Variants in IKBKB-DT observed in about 807,000 individuals in gnomAD.
The protein encoded by IKBKB-DT is IKBKB divergent transcript, also known as IKBKB antisense RNA.
chr8:42,247,730 C>T (rs183193118), intron 3 of IKBKB-DT, among the ~76,000 whole-genome samples: 123 of 152,228 alleles, frequency 8.1e-4, no homozygotes, highest in African/African-American at 2.8e-3. Flanking sequence ...AGGGAGTTCT[C>T]GTGAGATCTG....
At chr8:42,238,187 C>A (rs986161414) in intron 3 of IKBKB-DT, among the ~76,000 whole-genome samples, 11 of 152,134 alleles carry the variant, frequency 7.2e-5, no homozygotes, top group Non-Finnish European at 1.5e-4. Context: ...ATTGTCCCTG[C>A]CTAGCAGTAA....
Position 42,239,622 on chromosome 8 carries a change from ATATATATATATATT to A in IKBKB-DT, n.1530-5777_1530-5764del, listed in dbSNP as rs1481396763. ...TTTTTGTAAAAGGCAATTTATATAT[ATATATATATATATT>A]TATTTATTTATTCATTTTTTTTTTT... On this transcript the variant is annotated intron_variant and non_coding_transcript_variant, in intron 3 of 3. Coordinates refer to ENST00000518213, the Ensembl canonical transcript of IKBKB-DT. 3.5e-5 allele frequency among the ~76,000 whole-genome samples: 3 copies of A among 85,052 alleles called. 1 individual carries two copies. In the Admixed American group the frequency reaches 4.1e-4, roughly 12 times the overall value. 55.8% of individuals were successfully genotyped at this position (85,052 alleles called of 152,430 possible). A position where few individuals can be genotyped will look rare whatever the true frequency, so the allele number is the denominator to read the frequency against.
intron 3 of IKBKB-DT, among the ~76,000 whole-genome samples, chr8:42,234,870 T>C (rs1806898254): frequency 6.6e-6 from 1 of 152,232 alleles, no homozygotes; most frequent in Non-Finnish European, 1.5e-5. Flanking sequence ...CCTCAGGTGA[T>C]CTGCCCGCCT....
At chr8:42,262,472 C>T (rs1023161788) in intron 3 of IKBKB-DT, among the ~76,000 whole-genome samples, 2 of 137,208 alleles carry the variant, frequency 1.5e-5, no homozygotes, top group Non-Finnish European at 3.0e-5. Context: ...CAGAGTCTCA[C>T]TCTGTGGCCC....
chr8:42,267,570 C>G (rs1249498940), intron 1 of IKBKB-DT, among the ~76,000 whole-genome samples: 1 of 152,144 alleles, frequency 6.6e-6, no homozygotes, highest in Admixed American at 6.6e-5. Flanking sequence ...CTTGGATCCC[C>G]TGGGTCAGTA....
chr8:42,252,655 C>A (rs1028018017), intron 3 of IKBKB-DT, among the ~76,000 whole-genome samples: 2 of 152,262 alleles, frequency 1.3e-5, no homozygotes, highest in Non-Finnish European at 2.9e-5. Context: ...GCGTGAGCCA[C>A]TGCACCCAGC....
At chr8:42,235,657 C>T (rs1714689503) in intron 3 of IKBKB-DT, among the ~76,000 whole-genome samples, 1 of 152,190 alleles carries the variant, frequency 6.6e-6, no homozygotes, top group Admixed American at 6.6e-5. Context: ...CTTTACCGGC[C>T]TGCCCACGAA....
At chr8:42,239,335 C>G (rs540368170) in intron 3 of IKBKB-DT, among the ~76,000 whole-genome samples, 2 of 151,938 alleles carry the variant, frequency 1.3e-5, no homozygotes, top group East Asian at 3.9e-4. Flanking sequence ...CCTTCTCGCT[C>G]CCTTTAGCCG....
intron 1 of IKBKB-DT, chr8:42,270,484 T>C (rs1310994009): frequency 1.3e-5 from 2 of 152,372 alleles, no homozygotes; most frequent in Non-Finnish European, 2.9e-5. Flanking sequence ...TATTTTCCAA[T>C]TTACAGGGTT....
intron 2 of IKBKB-DT, among the ~76,000 whole-genome samples, chr8:42,263,746 G>A (rs2129933612): frequency 6.6e-6 from 1 of 152,304 alleles, no homozygotes; most frequent in Non-Finnish European, 1.5e-5. Context: ...AGAGTTTCTG[G>A]TGCATTAGAG....
At chr8:42,254,970 C>T (rs547778093) in intron 3 of IKBKB-DT, among the ~76,000 whole-genome samples, 1 of 152,074 alleles carries the variant, frequency 6.6e-6, no homozygotes, top group South Asian at 2.1e-4. Flanking sequence ...CAGCTGCCCA[C>T]TGTCTGGCAA....
At chr8:42,245,973 A>G (rs1292098883) in intron 3 of IKBKB-DT, among the ~76,000 whole-genome samples, 11 of 152,220 alleles carry the variant, frequency 7.2e-5, no homozygotes, top group Admixed American at 7.2e-4. Context: ...ACATCAATCC[A>G]ATGGAATATG....
At chr8:42,250,078 T>C (rs1248166814) in intron 3 of IKBKB-DT, among the ~76,000 whole-genome samples, 1 of 152,186 alleles carries the variant, frequency 6.6e-6, no homozygotes, top group Non-Finnish European at 1.5e-5. Flanking sequence ...GGTTTTTGTT[T>C]GTTTGTTTGT....
intron 3 of IKBKB-DT, among the ~76,000 whole-genome samples, chr8:42,235,177 ATTTTTCT>A (rs1806902907): frequency 1.1e-5 from 1 of 95,218 alleles, no homozygotes; most frequent in South Asian, 3.2e-4. Context: ...TTTACTGTGG[ATTTTTCT>A]TTTTTCTTTT....
intron 3 of IKBKB-DT, among the ~76,000 whole-genome samples, chr8:42,241,953 C>A (rs1382681087): frequency 1.3e-5 from 2 of 152,168 alleles, no homozygotes; most frequent in Admixed American, 1.3e-4. Context: ...GTGGCTCACA[C>A]CTGTAATCCC....
intron 3 of IKBKB-DT, among the ~76,000 whole-genome samples, chr8:42,256,940 C>T (rs1426048302): frequency 6.6e-6 from 1 of 152,128 alleles, no homozygotes. Flanking sequence ...AATTAACTGT[C>T]TGTGGATGAC....
intron 3 of IKBKB-DT, among the ~76,000 whole-genome samples, chr8:42,256,925 A>G (rs1420646247): frequency 1.3e-5 from 2 of 152,212 alleles, no homozygotes; most frequent in African/African-American, 2.4e-5. Flanking sequence ...GCATCAAAAT[A>G]AAACAATTAA....
intron 3 of IKBKB-DT, among the ~76,000 whole-genome samples, chr8:42,247,782 C>T (rs1807080464): frequency 6.6e-6 from 1 of 152,088 alleles, no homozygotes; most frequent in Admixed American, 6.6e-5. Flanking sequence ...TTTTCTCTAT[C>T]TTTCCTGCTG....
At chr8:42,269,812 T>G (rs1807506806) in intron 1 of IKBKB-DT, among the ~76,000 whole-genome samples, 1 of 152,136 alleles carries the variant, frequency 6.6e-6, no homozygotes, top group South Asian at 2.1e-4. Flanking sequence ...ATACCTCATT[T>G]GTCCCTCACA....
Sources: gnomAD v4.1 joint callset for allele counts (sites outside exome capture counted in the v4.1 genomes callset) on GRCh38, gnomAD v4.1.1 for gene constraint, MANE v1.5 for transcripts, NCBI Gene and HGNC (gene_info 2026-07-23, HGNC 2026-07-21) for gene names.